RAP1A: variants seen among roughly 807,000 people sequenced by gnomAD.
RAP1A encodes RAP1A, member of RAS oncogene family.
A neutral mutation model predicts 26.4 loss-of-function variants in RAP1A; 6 were observed. The ratio of observed to expected loss-of-function variants is 0.23; its 90% CI spans 0.12 to 0.45. The LOEUF (loss-of-function observed/expected upper bound fraction) is 0.45. Among genes scored for constraint, RAP1A ranks in the 20% least tolerant of loss-of-function variants. The probability of loss-of-function intolerance (pLI) is 0.99; values close to 1 mark genes in which losing one functional copy is unlikely to be tolerated. For synonymous variants in RAP1A, 73 were observed against 79.4 expected (o/e 0.92, Z 0.43); for missense variants, 121 against 217.2 (o/e 0.56, Z 2.78).
chr1:111,671,721 G>T (rs184106934), intron 1 of RAP1A, among the ~76,000 whole-genome samples: 2 of 152,158 alleles, frequency 1.3e-5, no homozygotes, highest in African/African-American at 4.8e-5. Flanking sequence ...CGATCCACCC[G>T]CCTTGGCCTC....
At chr1:111,707,214 ATCAT>A (rs1238125316) in intron 6 of RAP1A, among the ~76,000 whole-genome samples, 1 of 152,114 alleles carries the variant, frequency 6.6e-6, no homozygotes, top group Non-Finnish European at 1.5e-5. Context: ...TTTTGGATAA[ATCAT>A]TCAGGTTTTT....
intron 1 of RAP1A, among the ~76,000 whole-genome samples, chr1:111,552,563 T>A (rs1172272111): frequency 1.3e-5 from 2 of 152,220 alleles, no homozygotes; most frequent in Non-Finnish European, 2.9e-5. Context: ...ACCATTTTTT[T>A]ATCCACTATA....
chr1:111,667,981 C>T lies in RAP1A; in HGVS notation c.-27-23353C>T, dbSNP rs138778462. Among the ~76,000 whole-genome samples, 1,130 of 152,230 alleles carry T rather than the reference C, an allele frequency of 7.4e-3. 7 individuals are homozygous for T. The highest frequency in any genetic ancestry group is 9.4e-3 in the Non-Finnish European group (641 of 68,006). ...AGCTCAGTCTATGAGGAGACTCCAC[C>T]GAGTGTCTGTGCACCCCTCCCCACC... On this transcript the variant is annotated intron_variant, in intron 1 of 7. Coordinates refer to ENST00000369709, the MANE Select transcript of RAP1A (RefSeq NM_002884.4).
chr1:111,583,876 CTTTTTTTTTT>C (rs71099920), intron 1 of RAP1A, among the ~76,000 whole-genome samples: 1 of 90,114 alleles, frequency 1.1e-5, no homozygotes, highest in Admixed American at 1.3e-4. Flanking sequence ...ATTGTTATTT[CTTTTTTTTTT>C]TTTTTTTTTT....
intron 1 of RAP1A, chr1:111,608,078 G>C (rs566565676): frequency 1.9e-5 from 3 of 160,960 alleles, no homozygotes; most frequent in Non-Finnish European, 4.0e-5. Flanking sequence ...GTGGTTGCTG[G>C]GCGGAGACGC....
chr1:111,685,272 A>C (rs182539900), intron 1 of RAP1A, among the ~76,000 whole-genome samples: 5 of 152,198 alleles, frequency 3.3e-5, no homozygotes, highest in African/African-American at 7.2e-5. Context: ...AAATGCCACA[A>C]ATGGGATCTA....
At chr1:111,660,358 A>C (rs1660593441) in intron 1 of RAP1A, among the ~76,000 whole-genome samples, 2 of 152,118 alleles carry the variant, frequency 1.3e-5, no homozygotes, top group Non-Finnish European at 2.9e-5. Context: ...GATTTTATGC[A>C]GTCTGAAATA....
chr1:111,581,388 C>T (rs1658255402), intron 1 of RAP1A, among the ~76,000 whole-genome samples: 2 of 152,134 alleles, frequency 1.3e-5, no homozygotes, highest in Non-Finnish European at 2.9e-5. Flanking sequence ...TTGGCTGTCA[C>T]AACTGGGGTA....
At chr1:111,643,865 T>C (rs374756172) in intron 1 of RAP1A, among the ~76,000 whole-genome samples, 101 of 152,324 alleles carry the variant, frequency 6.6e-4, no homozygotes, top group African/African-American at 2.2e-3. Flanking sequence ...TTCAAGGAAT[T>C]GGCTTATGTG....
intron 1 of RAP1A, among the ~76,000 whole-genome samples, chr1:111,688,814 T>TG (rs1340315555): frequency 3.4e-4 from 25 of 72,864 alleles, no homozygotes; most frequent in Non-Finnish European, 1.5e-4. Flanking sequence ...TTTTGTTTTT[T>TG]TTTTTTTGTT....
intron 4 of RAP1A, among the ~76,000 whole-genome samples, chr1:111,701,915 A>G (rs1005356439): frequency 1.1e-4 from 16 of 152,222 alleles, no homozygotes; most frequent in African/African-American, 3.4e-4. Flanking sequence ...ATCAATGAAA[A>G]ATCCAGGAAA....
At chr1:111,615,862 C>G (rs1327524815), upstream of RAP1A, among the ~76,000 whole-genome samples, 1 of 151,532 alleles carries the variant, frequency 6.6e-6, no homozygotes, top group African/African-American at 2.4e-5. Flanking sequence ...TTTACTTCCT[C>G]AGTTGCATTA....
At chr1:111,662,366 G>T (rs192952011) in intron 1 of RAP1A, among the ~76,000 whole-genome samples, 400 of 140,876 alleles carry the variant, frequency 2.8e-3, no homozygotes, top group South Asian at 0.021. Flanking sequence ...TCGTATTCAG[G>T]CTTGGGCGAA....
intron 6 of RAP1A, chr1:111,706,823 C>A: frequency 1.2e-6 from 1 of 800,818 alleles, no homozygotes; most frequent in Non-Finnish European, 1.5e-6. Flanking sequence ...ATACTACAAG[C>A]ATTAGTTACC....
intron 1 of RAP1A, among the ~76,000 whole-genome samples, chr1:111,573,189 A>T (rs1658082635): frequency 6.6e-6 from 1 of 152,166 alleles, no homozygotes. Context: ...TGCTATTGTG[A>T]ATAGTGCTCC....
At chr1:111,546,513 C>A (rs928115761) in intron 1 of RAP1A, among the ~76,000 whole-genome samples, 1 of 152,138 alleles carries the variant, frequency 6.6e-6, no homozygotes, top group African/African-American at 2.4e-5. Flanking sequence ...TAAGTGAAAT[C>A]ACATAATACT....
Position 111,691,426 on chromosome 1 carries a change from G to A in RAP1A, c.57+9G>A, listed in dbSNP as rs371598327. On this transcript the variant is annotated intron_variant, in intron 2 of 7. Transcript: ENST00000369709. ...TTGGGAAGTCTGCTCTGGTAAGTTA[G>A]CCACCTAACTGTAACTGATTAATAT... 1.3e-5 allele frequency: 21 copies of A among 1,603,996 alleles called. 1 individual carries two copies. Among genetic ancestry groups the A allele is most frequent in the Middle Eastern group, 1.7e-4 (1 of 6,060 alleles).
chr1:111,667,143 A>C (rs977076556), intron 1 of RAP1A, among the ~76,000 whole-genome samples: 1 of 152,194 alleles, frequency 6.6e-6, no homozygotes, highest in African/African-American at 2.4e-5. Flanking sequence ...TGCTTAGGCT[A>C]GAGTCATGTA....
chr1:111,670,133 A>G (rs1231994339), intron 1 of RAP1A, among the ~76,000 whole-genome samples: 3 of 152,144 alleles, frequency 2.0e-5, no homozygotes, highest in African/African-American at 7.2e-5. Context: ...TACTTTAGGT[A>G]GAAGGAAAGT....
Sources: allele counts gnomAD v4.1 joint callset (sites outside exome capture counted in the v4.1 genomes callset), GRCh38; gene constraint gnomAD v4.1.1; transcripts MANE v1.5; gene names NCBI Gene and HGNC (gene_info 2026-07-23, HGNC 2026-07-21).